BRI3BP: variants seen among roughly 807,000 people sequenced by gnomAD.
The protein encoded by BRI3BP is BRI3-binding protein.
A neutral mutation model predicts 15.8 loss-of-function variants in BRI3BP; 7 were observed. The ratio of observed to expected loss-of-function variants is 0.44; its 90% confidence interval spans 0.25 to 0.83. BRI3BP has a LOEUF of 0.83. Among genes scored for constraint, BRI3BP ranks in the 40% least tolerant of loss-of-function variants. The pLI, the probability that BRI3BP is intolerant of heterozygous loss-of-function variation, is 0.20. For missense variants in BRI3BP, 320 were observed against 339.3 expected, an observed-to-expected ratio of 0.94 and a Z score of 0.45; for synonymous variants, 192 against 163.5, an observed-to-expected ratio of 1.17 and a Z score of -1.33.
At chr12:125,046,805 C>T in the BRI3BP span, among the ~76,000 whole-genome samples, 2 of 152,188 alleles carry the variant, frequency 1.3e-5, no homozygotes, top group Non-Finnish European at 2.9e-5. Flanking sequence ...ACAAAGGTCT[C>T]ACATAAACTT....
chr12:125,040,370 G>A, the BRI3BP span, among the ~76,000 whole-genome samples: 8 of 151,344 alleles, frequency 5.3e-5, no homozygotes, highest in Admixed American at 5.3e-4. Flanking sequence ...TTGACACAGA[G>A]TTTTGCTCTT....
rs1404258835 is a variant in BRI3BP, at chr12:125,028,327, T to G, written c.*2897T>G. The G allele has an allele frequency of 6.6e-6, 1 of 152,176 alleles. No individual in the cohort carries two copies. Among genetic ancestry groups the G allele is most frequent in the Non-Finnish European group, 1.5e-5 (1 of 68,046 alleles). 9.4% of individuals were successfully genotyped at this position (152,176 alleles called of 1,614,324 possible). A position where few individuals can be genotyped will look rare whatever the true frequency, so the allele number is the denominator to read the frequency against. ...GGGCTGGGTGTAATACCCGCTTCAT[T>G]CCTCCTCCCACCCTCTTACCCGAAA... On this transcript the variant is annotated 3_prime_UTR_variant, in exon 3 of 3. Coordinates refer to ENST00000341446, the MANE Select transcript of BRI3BP (RefSeq NM_080626.6).
intron 2 of BRI3BP, among the ~76,000 whole-genome samples, chr12:125,021,310 A>C (rs969133658): frequency 7.9e-5 from 12 of 152,310 alleles, no homozygotes; most frequent in Non-Finnish European, 1.5e-4. Context: ...TTCACGCCGT[A>C]GGTGTCGTTA....
At chr12:125,023,415 A>G (rs1280610497) in intron 2 of BRI3BP, among the ~76,000 whole-genome samples, 1 of 152,204 alleles carries the variant, frequency 6.6e-6, no homozygotes, top group Non-Finnish European at 1.5e-5. Flanking sequence ...TTAGTTATGT[A>G]GCTGCAAGAG....
chr12:125,006,363 G>A (rs1955143809), intron 1 of BRI3BP, among the ~76,000 whole-genome samples: 1 of 152,214 alleles, frequency 6.6e-6, no homozygotes, highest in African/African-American at 2.4e-5. Flanking sequence ...AACGGCAAGA[G>A]ATGGGATCCT....
At chr12:125,017,382 T>A (rs1025604049) in intron 2 of BRI3BP, among the ~76,000 whole-genome samples, 30 of 151,892 alleles carry the variant, frequency 2.0e-4, no homozygotes, top group East Asian at 7.7e-4. Flanking sequence ...CTCGAACTCC[T>A]GAGCTCCAGT....
At chr12:124,997,192 C>CT (rs71851305) in intron 1 of BRI3BP, among the ~76,000 whole-genome samples, 29,943 of 91,454 alleles carry the variant, frequency 0.33, 4,936 homozygotes, top group South Asian at 0.55. Flanking sequence ...CTTTACTTCT[C>CT]TTTTTTTTTT....
At position 125,029,161 on chromosome 12, in the gene BRI3BP, G is replaced by T. The variant is rs950991296; in HGVS notation, c.*3731G>T. 42 of 152,050 alleles carry T rather than the reference G, an allele frequency of 2.8e-4. No homozygotes were observed. Among genetic ancestry groups the T allele is most frequent in the African/African-American group, 1.0e-3 (42 of 41,388 alleles). 9.4% of individuals were successfully genotyped at this position (152,050 alleles called of 1,614,324 possible). A position where few individuals can be genotyped will look rare whatever the true frequency, so the allele number is the denominator to read the frequency against. ...GTATGGATGTGTTGGGGTTGGTTTA[G>T]TGATCTCTTCCTTGACACCCTAGCA... On this transcript the variant is annotated 3_prime_UTR_variant, in exon 3 of 3. Transcript: ENST00000341446.
At chr12:125,021,849 G>A (rs774776283) in intron 2 of BRI3BP, among the ~76,000 whole-genome samples, 6 of 152,152 alleles carry the variant, frequency 3.9e-5, no homozygotes, top group Non-Finnish European at 5.9e-5. Flanking sequence ...CCCTGGACAC[G>A]TGGGGATTAC....
At chr12:125,009,781 C>G (rs1955181477) in intron 1 of BRI3BP, among the ~76,000 whole-genome samples, 1 of 152,092 alleles carries the variant, frequency 6.6e-6, no homozygotes, top group African/African-American at 2.4e-5. Context: ...CCTCACAGGA[C>G]ATCGTGGAGT....
At chr12:125,031,937 C>T (rs546811573), downstream of BRI3BP, among the ~76,000 whole-genome samples, 1 of 152,110 alleles carries the variant, frequency 6.6e-6, no homozygotes, top group Non-Finnish European at 1.5e-5. Context: ...CTGCTTTTTA[C>T]GCAAAGACAA....
chr12:125,047,234 C>T, the BRI3BP span, among the ~76,000 whole-genome samples: 1 of 151,620 alleles, frequency 6.6e-6, no homozygotes, highest in African/African-American at 2.4e-5. Context: ...CTGCAAGCTC[C>T]GCCTCCCAGG....
the BRI3BP span, among the ~76,000 whole-genome samples, chr12:125,040,131 G>A: frequency 2.5e-4 from 38 of 151,632 alleles, no homozygotes; most frequent in Non-Finnish European, 4.3e-4. Context: ...GTGTGGTGGC[G>A]CACGCCTGTA....
In BRI3BP at chr12:124,993,937, G is replaced by T; in HGVS notation, c.147G>T (p.Thr49=). Residue 49 remains threonine, a synonymous_variant, in exon 1 of 3, where the codon ACG becomes ACT. Coordinates refer to ENST00000341446, the MANE Select transcript of BRI3BP (RefSeq NM_080626.6). ...GGAEKNSYRR[T]VNTFSQSVSS... Reference sequence around the variant, plus strand: ...CGGAGAAGAACAGCTACCGCCGCACGGTCAACACCTTCTCCCAGAGCGTCA... The same window carrying T: ...CGGAGAAGAACAGCTACCGCCGCACTGTCAACACCTTCTCCCAGAGCGTCA... 1 of 1,356,624 alleles carries T rather than the reference G, an allele frequency of 7.4e-7. No individual in the cohort carries two copies. Among genetic ancestry groups the T allele is most frequent in the East Asian group, 3.1e-5 (1 of 32,118 alleles). The allele number at this position is 1,356,624 out of a possible 1,614,324, so 84.0% of individuals were successfully genotyped here. A position where few individuals can be genotyped will look rare whatever the true frequency, so the allele number is the denominator to read the frequency against.
At chr12:125,049,447 G>A in the BRI3BP span, among the ~76,000 whole-genome samples, 1 of 151,670 alleles carries the variant, frequency 6.6e-6, no homozygotes, top group African/African-American at 2.4e-5. Context: ...CATCCCCCAG[G>A]TACTTCAGGC....
At chr12:125,017,592 G>A (rs967268607) in intron 2 of BRI3BP, among the ~76,000 whole-genome samples, 4 of 152,084 alleles carry the variant, frequency 2.6e-5, no homozygotes, top group East Asian at 1.9e-4. Context: ...CACTTAGAGC[G>A]CACATCAGTT....
chr12:125,011,519 A>G (rs1955196023), intron 1 of BRI3BP, among the ~76,000 whole-genome samples: 2 of 152,160 alleles, frequency 1.3e-5, no homozygotes, highest in Non-Finnish European at 2.9e-5. Flanking sequence ...AGAGTGTTGC[A>G]TGAGCAAAGC....
chr12:125,000,308 A>ATTT (rs35803183), intron 1 of BRI3BP, among the ~76,000 whole-genome samples: 16 of 92,054 alleles, frequency 1.7e-4, no homozygotes, highest in East Asian at 3.5e-4. Context: ...GTTTCATATG[A>ATTT]TTTTTTTTTT....
At chr12:125,014,986 C>A (rs1402911260) in intron 2 of BRI3BP, among the ~76,000 whole-genome samples, 3 of 152,210 alleles carry the variant, frequency 2.0e-5, no homozygotes, top group Non-Finnish European at 4.4e-5. Flanking sequence ...AGGCTGGTCT[C>A]AAACTCTTGG....
Sources: gnomAD v4.1 joint callset for allele counts (sites outside exome capture counted in the v4.1 genomes callset) on GRCh38, gnomAD v4.1.1 for gene constraint, MANE v1.5 for transcripts, NCBI Gene and HGNC (gene_info 2026-07-23, HGNC 2026-07-21) for gene names.